Variants in ABCA13 observed in about 807,000 individuals in gnomAD.
The protein encoded by ABCA13 is ATP binding cassette subfamily A member 13.
A neutral mutation model predicts 478.7 loss-of-function variants in ABCA13; 476 were observed. The ratio of observed to expected loss-of-function variants is 0.99; its 90% CI spans 0.92 to 1.07. The LOEUF is 1.07. ABCA13 is among the 50% of genes least tolerant of loss of function. The pLI is 0.00. For synonymous variants in ABCA13, 2,252 were observed against 2,158.9 expected, an observed-to-expected ratio of 1.04 and a Z score of -1.20; for missense variants, 6,060 against 5,910.6, an observed-to-expected ratio of 1.03 and a Z score of -0.83.
At chr7:48,418,998 G>A (rs185194601) in intron 41 of ABCA13, among the ~76,000 whole-genome samples, 1 of 152,328 alleles carries the variant, frequency 6.6e-6, no homozygotes, top group Non-Finnish European at 1.5e-5. Flanking sequence ...ATGGAAGGTG[G>A]AAGGCAAAGA....
At position 48,520,193 on chromosome 7, in the gene ABCA13, G is replaced by C; in HGVS notation, c.13950G>C (p.Glu4650Asp). The C allele has an allele frequency of 6.2e-7, 1 of 1,613,672 alleles. No homozygotes were observed. The highest frequency in any genetic ancestry group is 1.7e-5 in the Admixed American group (1 of 59,994). ...FGIDSYVSPF[E>D]MNFLGWIFVQ... ...TTGATTCCTATGTGAGTCCCTTTGAGATGAACTTTCTGGGCTGGATCTTCG... is the reference window on the plus strand; with the variant it reads ...TTGATTCCTATGTGAGTCCCTTTGACATGAACTTTCTGGGCTGGATCTTCG... The change falls in exon 53 of 62, where the codon GAG becomes GAC. Residue 4650 changes from glutamate to aspartate, a missense_variant. Physicochemically the swap from Glu to Asp is conservative, Grantham distance 45. Coordinates refer to ENST00000435803, the MANE Select transcript of ABCA13 (RefSeq NM_152701.5).
intron 29 of ABCA13, among the ~76,000 whole-genome samples, chr7:48,339,192 T>C (rs1165741678): frequency 6.6e-6 from 1 of 152,138 alleles, no homozygotes; most frequent in Non-Finnish European, 1.5e-5. Context: ...GGATCTGCCT[T>C]ACATATGAAA....
intron 55 of ABCA13, among the ~76,000 whole-genome samples, chr7:48,567,849 C>G (rs780268266): frequency 6.6e-6 from 1 of 151,974 alleles, no homozygotes; most frequent in East Asian, 1.9e-4. Flanking sequence ...CGATTTTTTC[C>G]TATAAAATCA....
At chr7:48,517,692 A>AT in intron 52 of ABCA13, among the ~76,000 whole-genome samples, 1 of 152,220 alleles carries the variant, frequency 6.6e-6, no homozygotes, top group South Asian at 2.1e-4. Context: ...CAGATTTTGC[A>AT]CTTTCCTCTG....
At chr7:48,406,159 A>T (rs1299444406) in intron 39 of ABCA13, among the ~76,000 whole-genome samples, 2 of 152,200 alleles carry the variant, frequency 1.3e-5, no homozygotes, top group Admixed American at 1.3e-4. Context: ...AGTTATGTAC[A>T]GTGAGGGCTC....
intron 43 of ABCA13, among the ~76,000 whole-genome samples, chr7:48,459,393 C>T (rs1313109074): frequency 2.0e-5 from 3 of 152,142 alleles, no homozygotes; most frequent in East Asian, 3.9e-4. Context: ...ATGACACAAT[C>T]ATACATGATG....
intron 31 of ABCA13, among the ~76,000 whole-genome samples, chr7:48,363,348 T>G (rs1811178445): frequency 6.6e-6 from 1 of 152,194 alleles, no homozygotes; most frequent in Non-Finnish European, 1.5e-5. Flanking sequence ...CTCCCTTTTA[T>G]ATAACTTGGT....
chr7:48,177,535 G>A (rs1165617676), intron 1 of ABCA13, among the ~76,000 whole-genome samples: 7 of 152,184 alleles, frequency 4.6e-5, no homozygotes, highest in African/African-American at 4.8e-5. Context: ...CCAGCACTGC[G>A]GGACAAGATT....
At chr7:48,225,135 G>GCCTGCCTGCCTGCCTTCCTTCCTT (rs1312566145) in intron 5 of ABCA13, among the ~76,000 whole-genome samples, 40 of 69,894 alleles carry the variant, frequency 5.7e-4, no homozygotes, top group East Asian at 3.5e-3. Context: ...CTGCCTGCCT[G>GCCTGCCTGCCTGCCTTCCTTCCTT]CCTTCCTTCC....
intron 55 of ABCA13, among the ~76,000 whole-genome samples, chr7:48,532,576 G>C (rs1238472936): frequency 6.6e-6 from 1 of 151,998 alleles, no homozygotes; most frequent in Non-Finnish European, 1.5e-5. Flanking sequence ...CAATAGGATT[G>C]GTCCCAATTC....
At chr7:48,577,185 C>A (rs1156575164) in intron 55 of ABCA13, among the ~76,000 whole-genome samples, 3 of 150,066 alleles carry the variant, frequency 2.0e-5, no homozygotes, top group South Asian at 2.1e-4. Flanking sequence ...GGGAGAGGAG[C>A]AAATTAAATT....
chr7:48,221,341 T>G, intron 5 of ABCA13, 32 bp downstream of exon 5: 1 of 1,066,326 alleles, frequency 9.4e-7, no homozygotes, highest in Non-Finnish European at 1.3e-6. Flanking sequence ...TGAAAATTAG[T>G]CTTCAGAGAC....
intron 34 of ABCA13, among the ~76,000 whole-genome samples, chr7:48,374,659 C>T (rs1476991537): frequency 1.3e-5 from 2 of 152,190 alleles, no homozygotes; most frequent in Non-Finnish European, 2.9e-5. Flanking sequence ...ACCACCCAGC[C>T]AATGCTTGGG....
At chr7:48,585,381 G>T (rs13231485) in intron 56 of ABCA13, among the ~76,000 whole-genome samples, 8,276 of 152,166 alleles carry the variant, frequency 0.054, 254 homozygotes, top group South Asian at 0.086. Flanking sequence ...TAGGCAGATA[G>T]CAGGAGATTA....
At chr7:48,632,285 T>C (rs1340889295) in intron 59 of ABCA13, among the ~76,000 whole-genome samples, 2 of 152,150 alleles carry the variant, frequency 1.3e-5, no homozygotes, top group Admixed American at 1.3e-4. Flanking sequence ...TTGTCTTTAT[T>C]ATTGAGTTGA....
At chr7:48,631,599 T>C (rs1464719317) in intron 59 of ABCA13, among the ~76,000 whole-genome samples, 2 of 152,152 alleles carry the variant, frequency 1.3e-5, no homozygotes, top group African/African-American at 2.4e-5. Context: ...TGGCTCCAGC[T>C]TTGTTCTTTT....
At chr7:48,516,471 A>G (rs934335663) in intron 51 of ABCA13, among the ~76,000 whole-genome samples, 2 of 152,172 alleles carry the variant, frequency 1.3e-5, no homozygotes, top group African/African-American at 4.8e-5. Flanking sequence ...AAAGTGCTAG[A>G]GTAGGCACGC....
chr7:48,565,289 A>G (rs539958935), intron 55 of ABCA13, among the ~76,000 whole-genome samples: 4 of 147,908 alleles, frequency 2.7e-5, no homozygotes, highest in African/African-American at 1.0e-4. Flanking sequence ...AAATCTCAGG[A>G]GTATGAAAAT....
At position 48,248,414 on chromosome 7, in the gene ABCA13, G is replaced by T. The variant is rs1792025787; in HGVS notation, c.1835G>T (p.Ser612Ile). 1 of 1,611,132 alleles carries T rather than the reference G, an allele frequency of 6.2e-7. No homozygotes were observed. The highest frequency in any genetic ancestry group is 1.1e-5 in the South Asian group (1 of 90,590). ...DPSPENDVFS[S>I]DCKHQLVSTV... is the part of the protein sequence containing the mutation. ...TCTCCTGAGAATGATGTCTTTTCTAGTGACTGTAAGCACCAGCTTGTCTCC... is the reference window on the plus strand; with the variant it reads ...TCTCCTGAGAATGATGTCTTTTCTATTGACTGTAAGCACCAGCTTGTCTCC... The change falls in exon 14 of 62, where the codon AGT (serine) becomes ATT (isoleucine). Residue 612 changes from serine (S) to isoleucine (I), a missense_variant. By Grantham distance (142) the Ser-to-Ile change is moderately radical. Transcript: ENST00000435803.
Sources: allele counts gnomAD v4.1 joint callset (sites outside exome capture counted in the v4.1 genomes callset), GRCh38; gene constraint gnomAD v4.1.1; transcripts MANE v1.5; gene names NCBI Gene and HGNC (gene_info 2026-07-23, HGNC 2026-07-21).